Variants in SLA2 observed in about 807,000 individuals in gnomAD.
The protein encoded by SLA2 is Src like adaptor 2.
SLA2 carries 22 observed loss-of-function variants against 27.3 expected under a neutral mutation model. That is an observed-to-expected ratio of 0.81 (90% CI 0.58 to 1.15). The LOEUF (loss-of-function observed/expected upper bound fraction) is 1.15. SLA2 is among the 50% of genes most tolerant of loss of function. The probability of loss-of-function intolerance (pLI) is 0.00; values close to 1 mark genes in which losing one functional copy is unlikely to be tolerated. For synonymous variants in SLA2, 131 were observed against 137.8 expected, an observed-to-expected ratio of 0.95 and a Z score of 0.34; for missense variants, 304 against 322.2, an observed-to-expected ratio of 0.94 and a Z score of 0.43.
chr20:36,640,219 G>A (rs1247963731), intron 2 of SLA2, among the ~76,000 whole-genome samples: 1 of 151,948 alleles, frequency 6.6e-6, no homozygotes, highest in Non-Finnish European at 1.5e-5. Flanking sequence ...GAGGTAGGAG[G>A]ATTGCTTGAG....
chr20:36,630,794 G>A (rs2039386326), intron 5 of SLA2, among the ~76,000 whole-genome samples: 1 of 152,332 alleles, frequency 6.6e-6, no homozygotes, highest in Middle Eastern at 3.4e-3. Context: ...GGTCATCAAA[G>A]AGACAATCAA....
Position 36,615,321 on chromosome 20 carries a change from T to C in SLA2, c.436A>G (p.Arg146Gly). The change falls in exon 6 of 8, where the codon AGA becomes GGA. Residue 146 changes from arginine (R) to glycine (G), a missense_variant. Arg to Gly is a moderately radical substitution (Grantham distance 125). Transcript: ENST00000262866. ...TCAAGGCAGTGGATCCTGTAGTGTC[T>C]GATCCGGTCCCAGGATGCAGGGCGG... ...LSRPASWDRI[R>G]HYRIHCLDNG... The C allele has an allele frequency of 1.9e-6, 3 of 1,614,146 alleles. No homozygotes were observed. Among genetic ancestry groups the C allele is most frequent in the Non-Finnish European group, 2.5e-6 (3 of 1,180,038 alleles).
In SLA2 at chr20:36,643,852, C is replaced by T. The variant is rs150473855; in HGVS notation, c.-44+1985G>A. Among the ~76,000 whole-genome samples the T allele has an allele frequency of 4.3e-3, 654 of 152,056 alleles. 6 individuals are homozygous for T. Among genetic ancestry groups the T allele is most frequent in the African/African-American group, 0.015 (619 of 41,464 alleles). ...CTGTAATCCCAGCTACTCGGGAGAC[C>T]GAGGCAAAAGAATCACTTGAACCTG... On this transcript the variant is annotated intron_variant, in intron 1 of 7. Transcript: ENST00000262866.
chr20:36,645,467 T>C (rs918890111), intron 1 of SLA2, among the ~76,000 whole-genome samples: 2 of 152,160 alleles, frequency 1.3e-5, no homozygotes. Flanking sequence ...CTGTAGGCTC[T>C]ACAGCTGAAA....
In SLA2 at chr20:36,632,854, C is replaced by T. The variant is rs369161261; in HGVS notation, c.279-156G>A. Among the ~76,000 whole-genome samples, 461 of 152,260 alleles carry T rather than the reference C, an allele frequency of 3.0e-3. 3 individuals carry two copies. The highest frequency in any genetic ancestry group is 0.01 in the Middle Eastern group (3 of 294). On this transcript the variant is annotated intron_variant, in intron 4 of 7. Coordinates refer to ENST00000262866, the MANE Select transcript of SLA2 (RefSeq NM_032214.4). ...CACGAAGAGCTGGGCTCAGGGTCTC[C>T]GAGGTCCATGCCATTTTTGTCCTCC... is the stretch of plus-strand genomic sequence containing the variant.
Position 36,612,729 on chromosome 20 carries a change from T to C in SLA2, c.*1137A>G. 4.8e-6 allele frequency: 1 copy of C among 207,032 alleles called. No individual in the cohort carries two copies. The highest frequency in any genetic ancestry group is 1.0e-5 in the Non-Finnish European group (1 of 99,864). 12.8% of individuals were successfully genotyped at this position (207,032 alleles called of 1,614,324 possible). On this transcript the variant is annotated 3_prime_UTR_variant, in exon 8 of 8. Transcript: ENST00000262866. ...TGGAGGCAGCAGGGAAATCAAGGGC[T>C]GGATTTGGTGTAGGCTGTGGTCTCC...
intron 2 of SLA2, among the ~76,000 whole-genome samples, chr20:36,635,344 G>T (rs953859986): frequency 1.3e-4 from 20 of 150,398 alleles, no homozygotes; most frequent in African/African-American, 4.9e-4. Context: ...GCCAGGGTCA[G>T]CAAGAAGGGT....
At chr20:36,644,868 G>GTTTTTTTTT (rs3066378) in intron 1 of SLA2, among the ~76,000 whole-genome samples, 4 of 80,674 alleles carry the variant, frequency 5.0e-5, no homozygotes, top group African/African-American at 5.1e-5. Context: ...AGAATATTGT[G>GTTTTTTTTT]TTTTTTTTTT....
At chr20:36,634,319 T>C (rs2039421956) in intron 3 of SLA2, among the ~76,000 whole-genome samples, 171 bp downstream of exon 3, 1 of 151,446 alleles carries the variant, frequency 6.6e-6, no homozygotes, top group African/African-American at 2.4e-5. Context: ...AGGGTCTTGC[T>C]GTCACCCAAG....
chr20:36,623,266 CAAAA>C (rs776399343), intron 5 of SLA2, among the ~76,000 whole-genome samples: 51 of 52,108 alleles, frequency 9.8e-4, no homozygotes, highest in African/African-American at 2.3e-3. Context: ...CATTACATCT[CAAAA>C]AAAAAAAAAA....
At chr20:36,623,759 G>A (rs1220568696) in intron 5 of SLA2, among the ~76,000 whole-genome samples, 1 of 152,000 alleles carries the variant, frequency 6.6e-6, no homozygotes, top group Non-Finnish European at 1.5e-5. Flanking sequence ...CTCCCAAGTA[G>A]CTGGGGCTAT....
Position 36,613,888 on chromosome 20 carries a change from G to A in SLA2, c.764C>T (p.Ala255Val), listed in dbSNP as rs758854746. ...GGCCTAGGCATCATCCAAAGAGACA[G>A]CCTCGTCATTCAGGCTGATGTAGAA... ...LSFYISLNDE[A>V]VSLDDA Residue 255 changes from alanine to valine, a missense_variant, in exon 8 of 8, where the codon GCT (alanine) becomes GTT (valine). By Grantham distance (64) the Ala-to-Val change is moderately conservative. Transcript: ENST00000262866. 6.2e-7 allele frequency: 1 copy of A among 1,613,718 alleles called. No homozygotes were observed. The highest frequency in any genetic ancestry group is 1.7e-5 in the Admixed American group (1 of 59,948).
At chr20:36,635,879 A>G (rs923592413) in intron 2 of SLA2, among the ~76,000 whole-genome samples, 2 of 152,018 alleles carry the variant, frequency 1.3e-5, no homozygotes, top group Non-Finnish European at 2.9e-5. Context: ...GCTTACCTTC[A>G]TCCTTCATTT....
At chr20:36,615,125 T>C in intron 6 of SLA2, 100 bp downstream of exon 6, 2 of 1,562,506 alleles carry the variant, frequency 1.3e-6, no homozygotes, top group Non-Finnish European at 1.7e-6. Flanking sequence ...CTTCTGTCTG[T>C]CTGAATACTC....
intron 5 of SLA2, among the ~76,000 whole-genome samples, chr20:36,618,484 C>A (rs8121133): frequency 0.026 from 3,980 of 152,018 alleles, 185 homozygotes; most frequent in African/African-American, 0.091. Flanking sequence ...GATCTGCCCA[C>A]CTTGGCCTCT....
chr20:36,632,474 T>C, intron 5 of SLA2, 121 bp downstream of exon 5: 2 of 728,690 alleles, frequency 2.7e-6, no homozygotes, highest in Non-Finnish European at 4.7e-6. Context: ...CAGGAAATCT[T>C]GGTTGACTGA....
At chr20:36,636,427 C>CAAAAAAAAA (rs71186007) in intron 2 of SLA2, among the ~76,000 whole-genome samples, 4 of 61,416 alleles carry the variant, frequency 6.5e-5, no homozygotes, top group African/African-American at 1.4e-4. Flanking sequence ...GACTCCGTCT[C>CAAAAAAAAA]AAAAAAAAAA....
intron 5 of SLA2, among the ~76,000 whole-genome samples, chr20:36,627,223 C>T (rs962659343): frequency 1.3e-5 from 2 of 152,146 alleles, no homozygotes; most frequent in African/African-American, 2.4e-5. Context: ...GAGGACCCAC[C>T]AGAAAGAAAG....
rs764438202 is a variant in SLA2, at chr20:36,624,556, A to G, written c.382+8039T>C. On this transcript the variant is annotated intron_variant, in intron 5 of 7. Transcript: ENST00000262866. ...TCTCGTGTTTTGAACAGTGCTTGGC[A>G]CAAAGTCAGCACACAGTATCTATTT... 3.5e-4 allele frequency among the ~76,000 whole-genome samples: 54 copies of G among 152,322 alleles called. 1 individual carries two copies. Among genetic ancestry groups the G allele is most frequent in the Non-Finnish European group, 6.8e-4 (46 of 68,026 alleles).
Sources: gnomAD v4.1 joint callset for allele counts (sites outside exome capture counted in the v4.1 genomes callset) on GRCh38, gnomAD v4.1.1 for gene constraint, MANE v1.5 for transcripts, NCBI Gene and HGNC (gene_info 2026-07-23, HGNC 2026-07-21) for gene names.